Variants in UBE2R2 observed in about 807,000 individuals in gnomAD.
UBE2R2 encodes ubiquitin-conjugating enzyme E2 R2.
UBE2R2 carries 1 observed loss-of-function variant against 27.8 expected under a neutral mutation model. The observed-to-expected ratio is 0.04, with a 90% confidence interval of 0.01 to 0.17. The LOEUF is 0.17. UBE2R2 is among the 10% of genes least tolerant of loss of function. The pLI is 1.00. For missense variants in UBE2R2, 100 were observed against 291.0 expected, an observed-to-expected ratio of 0.34 and a Z score of 4.78; for synonymous variants, 106 against 113.3, an observed-to-expected ratio of 0.94 and a Z score of 0.41.
chr9:33,827,767 T>A (rs1296812710), intron 1 of UBE2R2, among the ~76,000 whole-genome samples: 4 of 151,976 alleles, frequency 2.6e-5, no homozygotes, highest in Admixed American at 1.3e-4. Flanking sequence ...GATCAGGAGT[T>A]CAAGACCAGC....
At chr9:33,903,878 AC>A (rs1485352544) in intron 3 of UBE2R2, among the ~76,000 whole-genome samples, 1 of 152,240 alleles carries the variant, frequency 6.6e-6, no homozygotes, top group African/African-American at 2.4e-5. Flanking sequence ...ATGTGGAGTT[AC>A]ACCTAACATC....
intron 1 of UBE2R2, among the ~76,000 whole-genome samples, chr9:33,867,329 T>A (rs1451528708): frequency 6.6e-6 from 1 of 152,220 alleles, no homozygotes; most frequent in East Asian, 1.9e-4. Context: ...TTCCACTTCA[T>A]CCATTCTCCT....
intron 3 of UBE2R2, among the ~76,000 whole-genome samples, chr9:33,904,422 T>C (rs1435662179): frequency 2.0e-5 from 3 of 152,208 alleles, no homozygotes; most frequent in Non-Finnish European, 2.9e-5. Flanking sequence ...TTTGGAGTCT[T>C]ATCTGCTGCC....
chr9:33,891,340 TTA>T (rs2130800825), intron 2 of UBE2R2, among the ~76,000 whole-genome samples: 1 of 150,620 alleles, frequency 6.6e-6, no homozygotes, highest in East Asian at 2.1e-4. Context: ...CACCCAGCTC[TTA>T]TGTTTTTAAA....
At chr9:33,836,233 G>C (rs542506928) in intron 1 of UBE2R2, among the ~76,000 whole-genome samples, 2 of 152,268 alleles carry the variant, frequency 1.3e-5, no homozygotes, top group Middle Eastern at 6.8e-3. Context: ...ATGCTGTACA[G>C]GTTTGAAGCC....
rs1822699797 is a variant in UBE2R2 at position 33,918,112 on chromosome 9, T to G, written c.*875T>G. 6.5e-6 allele frequency: 1 copy of G among 153,224 alleles called. No homozygotes were observed. Among genetic ancestry groups the G allele is most frequent in the Admixed American group, 6.6e-5 (1 of 15,264 alleles). 9.5% of individuals were successfully genotyped at this position (153,224 alleles called of 1,614,324 possible). A position where few individuals can be genotyped will look rare whatever the true frequency, so the allele number is the denominator to read the frequency against. ...AGAGTTAAAAATCACTATGCTAAGTTTGGTTGATGCTACTGGGGGGAAAAA... is the reference window on the plus strand; with the variant it reads ...AGAGTTAAAAATCACTATGCTAAGTGTGGTTGATGCTACTGGGGGGAAAAA... On this transcript the variant is annotated 3_prime_UTR_variant, in exon 5 of 5. Transcript: ENST00000263228.
chr9:33,870,586 C>T (rs962670775), intron 1 of UBE2R2, among the ~76,000 whole-genome samples: 5 of 152,014 alleles, frequency 3.3e-5, no homozygotes, highest in African/African-American at 1.2e-4. Flanking sequence ...CATTAGGAGA[C>T]AGTGAAATTG....
At chr9:33,884,446 A>T (rs1003637137) in intron 1 of UBE2R2, among the ~76,000 whole-genome samples, 3 of 151,102 alleles carry the variant, frequency 2.0e-5, no homozygotes, top group Admixed American at 6.6e-5. Context: ...TACCCGACTG[A>T]TTTTTAAATT....
At chr9:33,910,238 G>A (rs1587484271) in intron 3 of UBE2R2, among the ~76,000 whole-genome samples, 2 of 152,038 alleles carry the variant, frequency 1.3e-5, no homozygotes, top group Non-Finnish European at 2.9e-5. Flanking sequence ...TCCGCCTCCC[G>A]TGCCCAAGCA....
intron 1 of UBE2R2, among the ~76,000 whole-genome samples, chr9:33,839,670 C>T (rs79242359): frequency 0.037 from 5,569 of 152,240 alleles, 340 homozygotes; most frequent in African/African-American, 0.13. Flanking sequence ...GTGTCTTGGT[C>T]TTCCCAGTCT....
intron 1 of UBE2R2, among the ~76,000 whole-genome samples, chr9:33,884,441 G>T (rs905403747): frequency 1.3e-5 from 2 of 151,158 alleles, no homozygotes; most frequent in Non-Finnish European, 3.0e-5. Flanking sequence ...CACCATACCC[G>T]ACTGATTTTT....
At chr9:33,870,554 C>T (rs1387426710) in intron 1 of UBE2R2, among the ~76,000 whole-genome samples, 6 of 151,988 alleles carry the variant, frequency 3.9e-5, no homozygotes, top group East Asian at 3.9e-4. Context: ...AGTATGAGAA[C>T]GAGTGAGTAG....
chr9:33,880,436 T>G (rs867645299), intron 1 of UBE2R2, among the ~76,000 whole-genome samples: 2 of 151,974 alleles, frequency 1.3e-5, no homozygotes, highest in African/African-American at 4.9e-5. Flanking sequence ...TAAATATCTT[T>G]GAATTTAGAA....
At chr9:33,834,989 A>T (rs903196265) in intron 1 of UBE2R2, among the ~76,000 whole-genome samples, 1 of 152,014 alleles carries the variant, frequency 6.6e-6, no homozygotes, top group African/African-American at 2.4e-5. Flanking sequence ...ATTACCCACA[A>T]TCACATTTCC....
chr9:33,836,711 C>G (rs1362969357), intron 1 of UBE2R2, among the ~76,000 whole-genome samples: 1 of 151,660 alleles, frequency 6.6e-6, no homozygotes, highest in Non-Finnish European at 1.5e-5. Context: ...GAGCCAAGAT[C>G]ATGCCACTGT....
At chr9:33,825,048 A>G (rs1369886169) in intron 1 of UBE2R2, among the ~76,000 whole-genome samples, 2 of 152,086 alleles carry the variant, frequency 1.3e-5, no homozygotes, top group African/African-American at 2.4e-5. Context: ...GTGTCAGGAA[A>G]AATTTTTATT....
intron 1 of UBE2R2, among the ~76,000 whole-genome samples, chr9:33,858,810 G>GTTTGTTTTGT (rs377254347): frequency 8.5e-4 from 129 of 151,612 alleles, no homozygotes; most frequent in Admixed American, 2.5e-3. Flanking sequence ...TTATGGAGGA[G>GTTTGTTTTGT]TTTGTTTTGT....
At chr9:33,824,106 A>T (rs978252575) in intron 1 of UBE2R2, among the ~76,000 whole-genome samples, 1 of 152,218 alleles carries the variant, frequency 6.6e-6, no homozygotes, top group African/African-American at 2.4e-5. Context: ...ACCAAATATG[A>T]TGCCTTAGTT....
chr9:33,853,774 A>ATTTTT (rs749498528), intron 1 of UBE2R2, among the ~76,000 whole-genome samples: 1 of 112,268 alleles, frequency 8.9e-6, no homozygotes, highest in African/African-American at 3.5e-5. Context: ...CTTCCTTCCA[A>ATTTTT]TTTTTTTTTT....
Sources: allele counts gnomAD v4.1 joint callset (sites outside exome capture counted in the v4.1 genomes callset), GRCh38; gene constraint gnomAD v4.1.1; transcripts MANE v1.5; gene names NCBI Gene and HGNC (gene_info 2026-07-23, HGNC 2026-07-21).